The following BPHL variants were observed in gnomAD, a reference collection of about 807,000 sequenced individuals.
BPHL encodes the protein serine hydrolase BPHL.
In BPHL, 27 loss-of-function variants were observed where a neutral mutation model predicts 31.2. That is an observed-to-expected ratio of 0.87 (90% CI 0.64 to 1.19). The LOEUF is 1.19. Ranked by LOEUF, BPHL falls within the 50% of genes most tolerant of loss-of-function variation. The probability of loss-of-function intolerance (pLI) is 0.00; values close to 1 mark genes in which losing one functional copy is unlikely to be tolerated. For synonymous variants in BPHL, 150 were observed against 146.8 expected, an observed-to-expected ratio of 1.02 and a Z score of -0.16; for missense variants, 356 against 375.7, an observed-to-expected ratio of 0.95 and a Z score of 0.43.
In BPHL at chr6:3,152,622, G is replaced by T. The variant is rs747166784; in HGVS notation, c.*47G>T. On this transcript the variant is annotated 3_prime_UTR_variant, in exon 7 of 7. Coordinates refer to ENST00000380379, the MANE Select transcript of BPHL (RefSeq NM_004332.4). The stretch of plus-strand genomic sequence containing the variant: ...TGGTTCCTTCGTGTGGGGCTTGATC[G>T]TGTTGCTGCCTGTTAACATGATGCC... 1 of 1,533,212 alleles carries T rather than the reference G, an allele frequency of 6.5e-7. No individual in the cohort carries two copies. The highest frequency in any genetic ancestry group is 1.2e-5 in the South Asian group (1 of 86,252). The allele number at this position is 1,533,212 out of a possible 1,614,324, so 95.0% of individuals were successfully genotyped here.
upstream of BPHL, chr6:3,118,691 C>G: frequency 8.2e-7 from 1 of 1,216,176 alleles, no homozygotes; most frequent in African/African-American, 1.6e-5. Flanking sequence ...CCGGGTACCG[C>G]GCTTGGTCTT....
At chr6:3,150,583 G>C (rs1304436164) in intron 6 of BPHL, among the ~76,000 whole-genome samples, 1 of 152,180 alleles carries the variant, frequency 6.6e-6, no homozygotes, top group Non-Finnish European at 1.5e-5. Flanking sequence ...AGCAGTTGGG[G>C]GTTTCCTACT....
chr6:3,144,770 T>C (rs959424286), intron 6 of BPHL, among the ~76,000 whole-genome samples: 3 of 152,134 alleles, frequency 2.0e-5, no homozygotes, highest in African/African-American at 7.2e-5. Context: ...TATCCCAGGA[T>C]GTGGTCTAGA....
chr6:3,119,500 C>T (rs368060169), intron 1 of BPHL: 1 of 1,613,968 alleles, frequency 6.2e-7, no homozygotes, highest in Non-Finnish European at 8.5e-7. Context: ...TCCCACCTGT[C>T]CCCCCATTTC....
In BPHL at chr6:3,137,217, A is replaced by G. The variant is rs1014882457; in HGVS notation, c.533-145A>G. 2.7e-5 allele frequency: 29 copies of G among 1,092,006 alleles called. 1 individual carries two copies. The highest frequency in any genetic ancestry group is 2.5e-5 in the Non-Finnish European group (19 of 763,684). 67.6% of individuals were successfully genotyped at this position (1,092,006 alleles called of 1,614,324 possible). A position where few individuals can be genotyped will look rare whatever the true frequency, so the allele number is the denominator to read the frequency against. The stretch of plus-strand genomic sequence containing the variant: ...CACCGCAAAGCAGCAACCAGGGCTA[A>G]GCCGAGCAGAGGGAGGGAGGGAGGC... On this transcript the variant is annotated intron_variant, in intron 4 of 6. Coordinates refer to ENST00000380379, the MANE Select transcript of BPHL (RefSeq NM_004332.4).
intron 1 of BPHL, 114 bp from the exon 2 acceptor site, chr6:3,123,543 A>G: frequency 1.3e-6 from 1 of 764,186 alleles, no homozygotes; most frequent in Non-Finnish European, 2.2e-6. Flanking sequence ...TAGTCATCCT[A>G]CAGCGCGTAG....
intron 6 of BPHL, among the ~76,000 whole-genome samples, chr6:3,148,208 G>A (rs148932464): frequency 6.6e-5 from 10 of 152,354 alleles, no homozygotes; most frequent in Admixed American, 3.9e-4. Context: ...ACCAGAGGGT[G>A]TGCTGGCAGG....
At chr6:3,150,542 G>T (rs1762492879) in intron 6 of BPHL, among the ~76,000 whole-genome samples, 1 of 152,208 alleles carries the variant, frequency 6.6e-6, no homozygotes, top group Non-Finnish European at 1.5e-5. Context: ...ATCCTCTGAG[G>T]CCCCTTCGTT....
intron 2 of BPHL, chr6:3,127,019 C>T: frequency 2.8e-6 from 1 of 360,864 alleles, no homozygotes; most frequent in Non-Finnish European, 4.9e-6. Flanking sequence ...AGTCCGCCCG[C>T]CTCGGCCTCC....
chr6:3,134,487 G>A (rs1761956934), intron 4 of BPHL, among the ~76,000 whole-genome samples: 1 of 146,654 alleles, frequency 6.8e-6, no homozygotes, highest in South Asian at 2.1e-4. Context: ...GCCCAGGCTG[G>A]AGTGCAGTGG....
chr6:3,147,865 G>C (rs981710102), intron 6 of BPHL, among the ~76,000 whole-genome samples: 2 of 152,192 alleles, frequency 1.3e-5, no homozygotes, highest in Non-Finnish European at 2.9e-5. Flanking sequence ...CCCAGGAAGA[G>C]CCAATGTTTC....
chr6:3,151,191 A>G (rs531176395), intron 6 of BPHL, among the ~76,000 whole-genome samples: 11 of 152,244 alleles, frequency 7.2e-5, no homozygotes, highest in African/African-American at 1.7e-4. Context: ...GTGACCTTCT[A>G]TGACCTCGCA....
intron 6 of BPHL, among the ~76,000 whole-genome samples, chr6:3,145,364 T>G (rs1443967067): frequency 3.9e-3 from 102 of 26,272 alleles, no homozygotes; most frequent in African/African-American, 0.012. Context: ...CTGGTGTGGG[T>G]TGGAGTGCTG....
In BPHL at chr6:3,152,639, CATG is replaced by C; in HGVS notation, c.*68_*70del. On this transcript the variant is annotated 3_prime_UTR_variant, in exon 7 of 7. Transcript: ENST00000380379. ...GCTTGATCGTGTTGCTGCCTGTTAACATGATGCCTTTGAAACTCTCCGCCTTTG... is the reference window on the plus strand; with the variant it reads ...GCTTGATCGTGTTGCTGCCTGTTAACATGCCTTTGAAACTCTCCGCCTTTG... 1 of 1,438,230 alleles carries C rather than the reference CATG, an allele frequency of 7.0e-7. No individual in the cohort carries two copies. The highest frequency in any genetic ancestry group is 9.7e-7 in the Non-Finnish European group (1 of 1,031,788). 89.1% of individuals were successfully genotyped at this position (1,438,230 alleles called of 1,614,324 possible). A position where few individuals can be genotyped will look rare whatever the true frequency, so the allele number is the denominator to read the frequency against.
chr6:3,143,618 C>T (rs564225766), intron 6 of BPHL, among the ~76,000 whole-genome samples: 164 of 152,290 alleles, frequency 1.1e-3, no homozygotes, highest in Admixed American at 2.6e-3. Flanking sequence ...GCAGGCTTTG[C>T]CTTTCTGCCT....
chr6:3,118,709 G>T, upstream of BPHL: 1 of 1,253,750 alleles, frequency 8.0e-7, no homozygotes. Context: ...CTTAGCGCAT[G>T]CGCACTCCCG....
At chr6:3,131,328 C>G (rs975680872) in intron 4 of BPHL, among the ~76,000 whole-genome samples, 1 of 152,114 alleles carries the variant, frequency 6.6e-6, no homozygotes, top group Non-Finnish European at 1.5e-5. Context: ...TATCTCAGTT[C>G]ATGGCCTGCA....
chr6:3,134,477 G>A (rs1279714771), intron 4 of BPHL, among the ~76,000 whole-genome samples: 1 of 100,006 alleles, frequency 1.0e-5, no homozygotes, highest in Non-Finnish European at 1.9e-5. Context: ...CTCCACTATT[G>A]CCCAGGCTGG....
In BPHL at chr6:3,118,774, C is replaced by T. The variant is rs1369388123; in HGVS notation, c.34C>T (p.Arg12Cys). Residue 12 changes from arginine (R) to cysteine (C), a missense_variant, in exon 1 of 7, where the codon CGC becomes TGC. Physicochemically the swap from Arg to Cys is radical, Grantham distance 180. Coordinates refer to ENST00000380379, the MANE Select transcript of BPHL (RefSeq NM_004332.4). ...TGTGCTGGGCGGCCGGGGCGTGTTG[C>T]GCCTGCGGCTGCTTCTCTCAGCGCT... ...VAVLGGRGVLRLRLLLSALKP... is the reference protein window; with the variant it reads ...VAVLGGRGVLCLRLLLSALKP... 8.0e-6 allele frequency: 10 copies of T among 1,253,320 alleles called. No homozygotes were observed. The highest frequency in any genetic ancestry group is 1.0e-5 in the Non-Finnish European group (10 of 995,306). The allele number at this position is 1,253,320 out of a possible 1,614,324, so 77.6% of individuals were successfully genotyped here. A position where few individuals can be genotyped will look rare whatever the true frequency, so the allele number is the denominator to read the frequency against.
Sources: gnomAD v4.1 joint callset for allele counts (sites outside exome capture counted in the v4.1 genomes callset) on GRCh38, gnomAD v4.1.1 for gene constraint, MANE v1.5 for transcripts, NCBI Gene and HGNC (gene_info 2026-07-23, HGNC 2026-07-21) for gene names.